Variants in ATP10A observed in about 807,000 individuals in gnomAD.
ATP10A encodes the protein ATPase phospholipid transporting 10A (putative).
ATP10A carries 111 observed loss-of-function variants against 147.8 expected under a neutral mutation model. The observed-to-expected ratio is 0.75, with a 90% confidence interval of 0.64 to 0.88. ATP10A has a LOEUF of 0.88. ATP10A is among the 40% of genes least tolerant of loss of function. The probability of loss-of-function intolerance (pLI) is 0.00; values close to 1 mark genes in which losing one functional copy is unlikely to be tolerated. For missense variants in ATP10A, 1,927 were observed against 1,959.0 expected, an observed-to-expected ratio of 0.98 and a Z score of 0.31; for synonymous variants, 875 against 841.6, an observed-to-expected ratio of 1.04 and a Z score of -0.69.
chr15:25,749,342 A>G (rs573631106), intron 2 of ATP10A, among the ~76,000 whole-genome samples: 159 of 152,302 alleles, frequency 1.0e-3, no homozygotes, highest in African/African-American at 3.5e-3. Flanking sequence ...CAAATAAGAG[A>G]GAAATAGAGG....
At chr15:25,708,389 C>T in intron 10 of ATP10A, 89 bp from the exon 11 acceptor site, 8 of 1,149,250 alleles carry the variant, frequency 7.0e-6, no homozygotes, top group African/African-American at 3.1e-5. Flanking sequence ...CACGTCTGTT[C>T]GTTACTTGCG....
chr15:25,790,199 G>A (rs763767832), intron 1 of ATP10A, among the ~76,000 whole-genome samples: 11 of 152,198 alleles, frequency 7.2e-5, no homozygotes, highest in Non-Finnish European at 1.3e-4. Flanking sequence ...AAAAGTGAGA[G>A]GCAGTGAGAA....
At chr15:25,720,416 G>C (rs529120157) in intron 7 of ATP10A, among the ~76,000 whole-genome samples, 7 of 152,050 alleles carry the variant, frequency 4.6e-5, no homozygotes, top group African/African-American at 1.4e-4. Flanking sequence ...CCTATTCCTC[G>C]TGTCTATCTG....
intron 1 of ATP10A, among the ~76,000 whole-genome samples, chr15:25,844,665 C>T (rs1260476454): frequency 6.6e-6 from 1 of 152,182 alleles, no homozygotes; most frequent in Non-Finnish European, 1.5e-5. Context: ...AAGAAGAGGG[C>T]TCCTGCCCCT....
At chr15:25,812,614 T>A (rs1365186090) in intron 1 of ATP10A, among the ~76,000 whole-genome samples, 5 of 152,194 alleles carry the variant, frequency 3.3e-5, no homozygotes, top group African/African-American at 1.2e-4. Flanking sequence ...AAAATACTCA[T>A]TTTGTTCTAC....
At chr15:25,704,522 A>G (rs1309729682) in intron 12 of ATP10A, among the ~76,000 whole-genome samples, 1 of 152,234 alleles carries the variant, frequency 6.6e-6, no homozygotes, top group Non-Finnish European at 1.5e-5. Flanking sequence ...GCTGTTTCAC[A>G]GGGAAAAGTT....
At chr15:25,842,914 T>C (rs1892867399) in intron 1 of ATP10A, among the ~76,000 whole-genome samples, 1 of 152,034 alleles carries the variant, frequency 6.6e-6, no homozygotes, top group African/African-American at 2.4e-5. Context: ...AAACGGAATC[T>C]CACTATGTTG....
chr15:25,860,211 AC>A (rs1567438467), intron 1 of ATP10A, among the ~76,000 whole-genome samples: 2 of 150,884 alleles, frequency 1.3e-5, no homozygotes, highest in African/African-American at 2.4e-5. Flanking sequence ...GACCCTGTCC[AC>A]CCCCCGCCCC....
At chr15:25,718,454 A>C in intron 7 of ATP10A, 55 bp from the exon 8 acceptor site, 1 of 1,509,886 alleles carries the variant, frequency 6.6e-7, no homozygotes, top group Non-Finnish European at 8.9e-7. Flanking sequence ...GGCGGAGCAG[A>C]AAGAAACCAT....
chr15:25,812,172 G>GT lies in ATP10A; in HGVS notation c.450-30950dup, dbSNP rs542647119. Among the ~76,000 whole-genome samples the GT allele has an allele frequency of 1.9e-3, 290 of 152,286 alleles. 3 individuals carry two copies. Among genetic ancestry groups the GT allele is most frequent in the African/African-American group, 6.5e-3 (271 of 41,566 alleles). ...ATCAACCAAAATGACTTTTAGTTTA[G>GT]TTTTTTTGTTGCTAACAGTTTCCTT... On this transcript the variant is annotated intron_variant, in intron 1 of 20. Transcript: ENST00000555815.
rs779668665 is a variant in ATP10A at position 25,714,013 on chromosome 15, C to G, written c.2005G>C (p.Gly669Arg). ...GQPTSAIASN[G>R]YSSQADNWAS... The stretch of plus-strand genomic sequence containing the variant: ...CAGTTGTCCGCCTGGCTGCTGTAGC[C>G]GTTGCTGGCGATGGCCGAGGTGGGC... The change falls in exon 10 of 21, where the codon GGC becomes CGC. Residue 669 changes from glycine (G) to arginine (R), a missense_variant. Physicochemically the swap from Gly to Arg is moderately radical, Grantham distance 125. Coordinates refer to ENST00000555815, the MANE Select transcript of ATP10A (RefSeq NM_024490.4). The G allele has an allele frequency of 6.2e-7, 1 of 1,610,380 alleles. No individual in the cohort carries two copies. Among genetic ancestry groups the G allele is most frequent in the Non-Finnish European group, 8.5e-7 (1 of 1,179,884 alleles).
chr15:25,708,108 G>A lies in ATP10A; in HGVS notation c.2449-6C>T. ...TACTCTTCTTTACTCAGAACCTATG[G>A]GAGATACATTGTTGAGTGCTGCACC... On this transcript the variant is annotated splice_polypyrimidine_tract_variant and splice_region_variant and intron_variant, in intron 11 of 20. Coordinates refer to ENST00000555815, the MANE Select transcript of ATP10A (RefSeq NM_024490.4). The A allele has an allele frequency of 1.2e-6, 2 of 1,613,726 alleles. No homozygotes were observed. The highest frequency in any genetic ancestry group is 1.7e-6 in the Non-Finnish European group (2 of 1,179,670).
chr15:25,778,507 A>C (rs1355955852), intron 2 of ATP10A, among the ~76,000 whole-genome samples: 2 of 151,154 alleles, frequency 1.3e-5, no homozygotes, highest in East Asian at 1.9e-4. Context: ...AAAAAAAAAA[A>C]CCCAGAAAGT....
intron 1 of ATP10A, among the ~76,000 whole-genome samples, chr15:25,789,072 C>T (rs1031611725): frequency 2.0e-5 from 3 of 152,130 alleles, no homozygotes; most frequent in Admixed American, 6.5e-5. Flanking sequence ...GATCCTCCCT[C>T]CTCAGCCTAC....
chr15:25,726,256 TAAATA>T (rs947642886), intron 4 of ATP10A, among the ~76,000 whole-genome samples, 174 bp from the exon 5 acceptor site: 2 of 152,214 alleles, frequency 1.3e-5, no homozygotes, highest in African/African-American at 2.4e-5. Flanking sequence ...GGTCTGAAAA[TAAATA>T]AAATAAAATG....
At chr15:25,728,174 C>T (rs548573471) in intron 3 of ATP10A, among the ~76,000 whole-genome samples, 56 of 152,356 alleles carry the variant, frequency 3.7e-4, no homozygotes, top group African/African-American at 1.3e-3. Flanking sequence ...TCCTGTATGG[C>T]TCTTAGCGTC....
At position 25,734,929 on chromosome 15, in the gene ATP10A, C is replaced by T. The variant is rs550427913; in HGVS notation, c.740+1127G>A. Among the ~76,000 whole-genome samples, 357 of 151,064 alleles carry T rather than the reference C, an allele frequency of 2.4e-3. 1 individual carries two copies. The highest frequency in any genetic ancestry group is 8.3e-3 in the African/African-American group (343 of 41,140). On this transcript the variant is annotated intron_variant, in intron 3 of 20. Transcript: ENST00000555815. ...GCAAAACAGAAGACTCAACCTACAC[C>T]GAAAGCTCTTAGAAATGGGGCCACT...
In ATP10A at chr15:25,687,792, G is replaced by A. The variant is rs756615616; in HGVS notation, c.3202C>T (p.Arg1068Ter). 16 of 1,613,748 alleles carry A rather than the reference G, an allele frequency of 9.9e-6. No individual in the cohort carries two copies. Among genetic ancestry groups the A allele is most frequent in the South Asian group, 2.2e-5 (2 of 91,070 alleles). ...MASDFAVPKF[R>*]YLERLLILHG... ...AGAATCAAGAGCCTCTCCAGGTATC[G>A]GAATTTCGGCACTGCAAAGTCGCTG... is the stretch of plus-strand genomic sequence containing the variant. The change falls in exon 16 of 21, where the codon CGA becomes TGA. Residue 1068 changes from arginine (R) to a stop codon, truncating the protein, a stop_gained. Coordinates refer to ENST00000555815, the MANE Select transcript of ATP10A (RefSeq NM_024490.4). LOFTEE classifies it high-confidence loss of function.
At chr15:25,732,915 G>A (rs992101497) in intron 3 of ATP10A, among the ~76,000 whole-genome samples, 3 of 152,100 alleles carry the variant, frequency 2.0e-5, no homozygotes, top group African/African-American at 7.2e-5. Flanking sequence ...TCTCATGTCA[G>A]CCTGTGAGGT....
Sources: gnomAD v4.1 joint callset for allele counts (sites outside exome capture counted in the v4.1 genomes callset) on GRCh38, gnomAD v4.1.1 for gene constraint, MANE v1.5 for transcripts, NCBI Gene and HGNC (gene_info 2026-07-23, HGNC 2026-07-21) for gene names.